The following KDM5A variants were observed in gnomAD, a reference collection of about 807,000 sequenced individuals.
KDM5A encodes lysine-specific demethylase 5A.
A neutral mutation model predicts 193.5 loss-of-function variants in KDM5A; 42 were observed. That is an observed-to-expected ratio of 0.22 (90% CI 0.17 to 0.28). The LOEUF (loss-of-function observed/expected upper bound fraction) is 0.28. Ranked by LOEUF, KDM5A falls within the 10% of genes least tolerant of loss-of-function variation. The pLI is 1.00. For synonymous variants in KDM5A, 796 were observed against 718.1 expected, an observed-to-expected ratio of 1.11 and a Z score of -1.73; for missense variants, 1,692 against 2,055.1, an observed-to-expected ratio of 0.82 and a Z score of 3.42.
intron 3 of KDM5A, among the ~76,000 whole-genome samples, chr12:382,090 T>C (rs1265746411): frequency 6.6e-6 from 1 of 152,184 alleles, no homozygotes; most frequent in Non-Finnish European, 1.5e-5. Context: ...GGATTATAGG[T>C]ATGAGCCACC....
intron 24 of KDM5A, among the ~76,000 whole-genome samples, chr12:301,060 C>T (rs1428873164): frequency 6.6e-6 from 1 of 152,108 alleles, no homozygotes; most frequent in African/African-American, 2.4e-5. Context: ...AAAAAAAGTC[C>T]AGGACCAGAC....
intron 19 of KDM5A, among the ~76,000 whole-genome samples, chr12:315,068 T>A (rs1329225896): frequency 1.3e-5 from 2 of 152,096 alleles, no homozygotes; most frequent in African/African-American, 4.8e-5. Context: ...TAGAGAGGGG[T>A]AAGACCAGAC....
chr12:363,943 C>G (rs1216847077), intron 4 of KDM5A, among the ~76,000 whole-genome samples: 1 of 151,944 alleles, frequency 6.6e-6, no homozygotes, highest in Non-Finnish European at 1.5e-5. Context: ...AGACACTTCA[C>G]CAAGATATAC....
chr12:376,948 C>A (rs1944512918), intron 3 of KDM5A, among the ~76,000 whole-genome samples: 2 of 151,808 alleles, frequency 1.3e-5, no homozygotes, highest in Admixed American at 1.3e-4. Flanking sequence ...AAGTGCCTTA[C>A]AACAGAGGAA....
In KDM5A at chr12:351,224, G is replaced by T. The variant is rs533648866; in HGVS notation, c.1150-445C>A. 2.6e-5 allele frequency among the ~76,000 whole-genome samples: 4 copies of T among 152,020 alleles called. No homozygotes were observed. In the South Asian group the frequency reaches 8.3e-4, roughly 32 times the overall value. ...TCCCTCCCCTAGCCCCCTACTCCCG[G>T]ACAGGCCCCGGTGTGTGATGTTCCC... On this transcript the variant is annotated intron_variant, in intron 9 of 27. Coordinates refer to ENST00000399788, the MANE Select transcript of KDM5A (RefSeq NM_001042603.3).
intron 21 of KDM5A, among the ~76,000 whole-genome samples, chr12:310,475 A>G (rs568221798): frequency 1.3e-5 from 2 of 152,222 alleles, no homozygotes; most frequent in South Asian, 4.2e-4. Context: ...TCCACCAAAA[A>G]TACAAAAAAT....
At position 322,583 on chromosome 12, in the gene KDM5A, TAA is replaced by T; in HGVS notation, c.2276-18_2276-17del. On this transcript the variant is annotated splice_polypyrimidine_tract_variant and intron_variant, in intron 16 of 27. Coordinates refer to ENST00000399788, the MANE Select transcript of KDM5A (RefSeq NM_001042603.3). Reference sequence around the variant, plus strand: ...TCAATCAAATCTGTAAAAATTTAAATAAAGAGCCATATACAATAACCATAGAC... The same window carrying T: ...TCAATCAAATCTGTAAAAATTTAAATAGAGCCATATACAATAACCATAGAC... The T allele has an allele frequency of 6.2e-7, 1 of 1,606,284 alleles. No individual in the cohort carries two copies. Among genetic ancestry groups the T allele is most frequent in the Non-Finnish European group, 8.5e-7 (1 of 1,175,586 alleles).
In KDM5A at chr12:329,001, T is replaced by A; in HGVS notation, c.1802A>T (p.His601Leu). The change falls in exon 14 of 28, where the codon CAT becomes CTT. Residue 601 changes from histidine (H) to leucine (L), a missense_variant. Physicochemically the swap from His to Leu is moderately conservative, Grantham distance 99 (BLOSUM62 -3). Transcript: ENST00000399788. ...ACAGTGGCGCCTTAGGCGTCGGTAATGATTTACACATTGACGTCCAATGGG... is the reference window on the plus strand; with the variant it reads ...ACAGTGGCGCCTTAGGCGTCGGTAAAGATTTACACATTGACGTCCAATGGG... ...WLPIGRQCVN[H>L]YRRLRRHCVF... 1 of 1,614,234 alleles carries A rather than the reference T, an allele frequency of 6.2e-7. No individual in the cohort carries two copies. Among genetic ancestry groups the A allele is most frequent in the Non-Finnish European group, 8.5e-7 (1 of 1,180,040 alleles).
At chr12:295,892 A>G (rs957765573) in intron 25 of KDM5A, 99 bp from the exon 26 acceptor site, 20 of 939,960 alleles carry the variant, frequency 2.1e-5, no homozygotes, top group African/African-American at 8.2e-5. Flanking sequence ...CCATCCCCCA[A>G]TACTAACTTC....
intron 6 of KDM5A, among the ~76,000 whole-genome samples, chr12:355,786 C>T (rs1944223569): frequency 6.6e-6 from 1 of 152,150 alleles, no homozygotes. Flanking sequence ...CATCTAAGTA[C>T]ACAGTAATTA....
In KDM5A at chr12:322,497, T is replaced by C; in HGVS notation, c.2346A>G (p.Arg782=). The change falls in exon 17 of 28, where the codon CGA becomes CGG. Residue 782 remains arginine (R), a synonymous_variant. Coordinates refer to ENST00000399788, the MANE Select transcript of KDM5A (RefSeq NM_001042603.3). ...DRKYPENDLF[R]KLRDAVKEAE... The stretch of plus-strand genomic sequence containing the variant: ...CTTCTTTTACAGCATCCCTGAGTTT[T>C]CGAAAGAGATCATTCTCTGGGTATT... 1.9e-6 allele frequency: 3 copies of C among 1,613,614 alleles called. No individual in the cohort carries two copies. The highest frequency in any genetic ancestry group is 2.5e-6 in the Non-Finnish European group (3 of 1,179,742).
At chr12:334,461 A>T in intron 10 of KDM5A, 39 bp from the exon 11 acceptor site, 1 of 1,560,680 alleles carries the variant, frequency 6.4e-7, no homozygotes, top group Non-Finnish European at 8.8e-7. Context: ...AAGATCAGAA[A>T]TGAAAAGTGC....
intron 10 of KDM5A, among the ~76,000 whole-genome samples, chr12:348,046 A>T (rs1322401616): frequency 4.6e-5 from 7 of 152,174 alleles, no homozygotes; most frequent in Non-Finnish European, 7.3e-5. Flanking sequence ...GAATCTACAA[A>T]GAACTCAAAC....
chr12:379,498 C>T (rs893718738), intron 3 of KDM5A, among the ~76,000 whole-genome samples: 3 of 152,112 alleles, frequency 2.0e-5, no homozygotes, highest in East Asian at 1.9e-4. Context: ...TTGAACTGTA[C>T]GCTTGAAATT....
In KDM5A at chr12:293,102, C is replaced by A. The variant is rs539682097; in HGVS notation, c.4523G>T (p.Arg1508Leu). 1 of 1,595,740 alleles carries A rather than the reference C, an allele frequency of 6.3e-7. No individual in the cohort carries two copies. Among genetic ancestry groups the A allele is most frequent in the Non-Finnish European group, 8.5e-7 (1 of 1,175,584 alleles). Residue 1508 changes from arginine (R) to leucine (L), a missense_variant, in exon 27 of 28, where the codon CGG becomes CTG. Physicochemically the swap from Arg to Leu is moderately radical, Grantham distance 102. This residue lies in a region of KDM5A where 965 missense variants were observed against 1,061.0 expected (regional missense o/e 0.91). Coordinates refer to ENST00000399788, the MANE Select transcript of KDM5A (RefSeq NM_001042603.3). Reference sequence around the variant, plus strand: ...AAGTTGCTCTACCTTTTCTAGCTTCCGTTTCCGTTTCTTCTCTGAAGAGTC... The same window carrying A: ...AAGTTGCTCTACCTTTTCTAGCTTCAGTTTCCGTTTCTTCTCTGAAGAGTC... ...GKDSSEKKRK[R>L]KLEKVEQLFG...
intron 17 of KDM5A, 149 bp downstream of exon 17, chr12:322,268 A>AT: frequency 1.5e-6 from 1 of 680,026 alleles, no homozygotes; most frequent in Admixed American, 2.3e-5. Flanking sequence ...GAATAGTAGG[A>AT]GATAAAACTG....
At chr12:328,097 T>C (rs1943815522) in intron 14 of KDM5A, among the ~76,000 whole-genome samples, 1 of 152,220 alleles carries the variant, frequency 6.6e-6, no homozygotes, top group Admixed American at 6.5e-5. Context: ...ATTCATTATC[T>C]TGACTGCAGC....
chr12:292,508 T>A (rs1175922544), intron 27 of KDM5A, among the ~76,000 whole-genome samples: 1 of 152,230 alleles, frequency 6.6e-6, no homozygotes, highest in Non-Finnish European at 1.5e-5. Flanking sequence ...TGCCAGGGAA[T>A]GTCACATAGC....
At chr12:359,824 AGGAG>A (rs552264397) in intron 5 of KDM5A, among the ~76,000 whole-genome samples, 8 of 128,404 alleles carry the variant, frequency 6.2e-5, no homozygotes, top group South Asian at 2.9e-4. Flanking sequence ...AAGGGAGGCA[AGGAG>A]GGAGGGAGGG....
Sources: allele counts gnomAD v4.1 joint callset (sites outside exome capture counted in the v4.1 genomes callset), GRCh38; gene constraint gnomAD v4.1.1; regional missense constraint gnomAD v4.1.1; transcripts MANE v1.5; gene names NCBI Gene and HGNC (gene_info 2026-07-23, HGNC 2026-07-21).